CNTN1: variants seen among roughly 807,000 people sequenced by gnomAD.
CNTN1 encodes the protein contactin-1.
A neutral mutation model predicts 126.4 loss-of-function variants in CNTN1; 38 were observed. That is an observed-to-expected ratio of 0.30 (90% CI 0.23 to 0.39). The LOEUF (loss-of-function observed/expected upper bound fraction) is 0.39. Among genes scored for constraint, CNTN1 ranks in the 10% least tolerant of loss-of-function variants. The pLI is 1.00. For missense variants in CNTN1, 1,009 were observed against 1,248.4 expected, an observed-to-expected ratio of 0.81 and a Z score of 2.89; for synonymous variants, 413 against 422.6, an observed-to-expected ratio of 0.98 and a Z score of 0.28.
At chr12:40,795,760 A>G (rs1354045983) in intron 1 of CNTN1, among the ~76,000 whole-genome samples, 1 of 152,146 alleles carries the variant, frequency 6.6e-6, no homozygotes, top group African/African-American at 2.4e-5. Flanking sequence ...GCTACATGCA[A>G]TACAGTAAAC....
intron 6 of CNTN1, 24 bp downstream of exon 6, chr12:40,924,676 A>G: frequency 8.0e-7 from 1 of 1,254,502 alleles, no homozygotes; most frequent in Non-Finnish European, 1.2e-6. Context: ...CTCTCTGACT[A>G]TTAGCATCTA....
At chr12:40,984,061 G>A (rs938161913) in intron 16 of CNTN1, among the ~76,000 whole-genome samples, 38 of 148,966 alleles carry the variant, frequency 2.6e-4, no homozygotes, top group African/African-American at 8.6e-4. Flanking sequence ...CACAAAAGAG[G>A]AAGATGAAAT....
intron 17 of CNTN1, among the ~76,000 whole-genome samples, chr12:41,007,215 A>T (rs1049662975): frequency 6.6e-6 from 1 of 150,702 alleles, no homozygotes; most frequent in Non-Finnish European, 1.5e-5. Flanking sequence ...GCCCGCCACT[A>T]CGCCCGGCTA....
intron 23 of CNTN1, among the ~76,000 whole-genome samples, chr12:41,066,362 G>A (rs1489857425): frequency 4.6e-5 from 7 of 152,116 alleles, no homozygotes; most frequent in Non-Finnish European, 1.0e-4. Context: ...GGTCACAGTG[G>A]TTTCCTCTAA....
intron 1 of CNTN1, among the ~76,000 whole-genome samples, chr12:40,893,410 C>A (rs1944307043): frequency 6.6e-6 from 1 of 152,018 alleles, no homozygotes; most frequent in South Asian, 2.1e-4. Flanking sequence ...CATTCTTCAA[C>A]CTCCAAATTT....
At chr12:40,996,299 T>A (rs752093612) in intron 17 of CNTN1, among the ~76,000 whole-genome samples, 13 of 151,964 alleles carry the variant, frequency 8.6e-5, no homozygotes, top group Admixed American at 5.9e-4. Context: ...GCCCAGCTAT[T>A]TTGTGTGTTT....
chr12:40,815,710 G>A (rs1024542131), intron 1 of CNTN1, among the ~76,000 whole-genome samples: 2 of 152,122 alleles, frequency 1.3e-5, no homozygotes, highest in South Asian at 2.1e-4. Context: ...GTGAGAAAGG[G>A]CATCCTTGTC....
intron 1 of CNTN1, among the ~76,000 whole-genome samples, chr12:40,876,985 C>T (rs1209631682): frequency 6.6e-6 from 1 of 152,086 alleles, no homozygotes; most frequent in East Asian, 1.9e-4. Context: ...AACCTAGGCA[C>T]TCAAGTGTGT....
chr12:41,012,539 A>G (rs1228808914), intron 17 of CNTN1, among the ~76,000 whole-genome samples: 3 of 152,198 alleles, frequency 2.0e-5, no homozygotes, highest in Non-Finnish European at 4.4e-5. Flanking sequence ...CACCAGGGAT[A>G]GCCCCAGCCA....
chr12:40,711,472 T>C (rs1941912185), intron 1 of CNTN1, among the ~76,000 whole-genome samples: 2 of 152,170 alleles, frequency 1.3e-5, no homozygotes, highest in African/African-American at 2.4e-5. Context: ...TTATCACTTC[T>C]TCCTTGTATC....
intron 1 of CNTN1, among the ~76,000 whole-genome samples, chr12:40,891,843 T>G (rs1159142900): frequency 2.6e-5 from 4 of 152,104 alleles, no homozygotes; most frequent in African/African-American, 9.7e-5. Flanking sequence ...GTCCTCCAGC[T>G]TTGCTCTTTT....
intron 1 of CNTN1, among the ~76,000 whole-genome samples, chr12:40,854,160 G>A (rs1346230057): frequency 6.6e-6 from 1 of 151,650 alleles, no homozygotes; most frequent in South Asian, 2.1e-4. Flanking sequence ...TCTATACTTA[G>A]GAAGTTTACA....
rs538492572 is a variant in CNTN1 at position 41,043,045 on chromosome 12, C to A, written c.2980+13826C>A. Reference sequence around the variant, plus strand: ...CATGTTAGACCTAAAACCATAAAAACCCTAGAAGAAAACCTAGGCATTACC... The same window carrying A: ...CATGTTAGACCTAAAACCATAAAAAACCTAGAAGAAAACCTAGGCATTACC... On this transcript the variant is annotated intron_variant, in intron 23 of 23. Coordinates refer to ENST00000551295, the MANE Select transcript of CNTN1 (RefSeq NM_001843.4). 9.2e-5 allele frequency among the ~76,000 whole-genome samples: 14 copies of A among 152,222 alleles called. No homozygotes were observed. The South Asian group carries it at 2.9e-3, about 32-fold the overall frequency.
intron 6 of CNTN1, among the ~76,000 whole-genome samples, chr12:40,928,153 C>T (rs908204865): frequency 6.6e-6 from 1 of 151,898 alleles, no homozygotes; most frequent in Admixed American, 6.6e-5. Flanking sequence ...ACATTTTTGG[C>T]TTTGGTGGTG....
At chr12:40,739,255 CT>C (rs1343472666) in intron 1 of CNTN1, among the ~76,000 whole-genome samples, 1 of 151,938 alleles carries the variant, frequency 6.6e-6, no homozygotes, top group Non-Finnish European at 1.5e-5. Context: ...GAGTAAAAAA[CT>C]TGGATAGTCA....
At chr12:40,909,598 A>T (rs1279545661) in intron 2 of CNTN1, among the ~76,000 whole-genome samples, 6 of 151,794 alleles carry the variant, frequency 4.0e-5, no homozygotes, top group African/African-American at 1.4e-4. Context: ...TTGGGGAATA[A>T]TTTTTATTAT....
intron 23 of CNTN1, among the ~76,000 whole-genome samples, chr12:41,067,224 C>T (rs1276070914): frequency 1.3e-5 from 2 of 152,092 alleles, no homozygotes; most frequent in Non-Finnish European, 2.9e-5. Flanking sequence ...ATATAACACA[C>T]GTAAACATGG....
rs193289943 is a variant in CNTN1 at position 40,803,101 on chromosome 12, G to A, written c.-76-105256G>A. On this transcript the variant is annotated intron_variant, in intron 1 of 23. Coordinates refer to ENST00000551295, the MANE Select transcript of CNTN1 (RefSeq NM_001843.4). ...GGTGCAATGGTTTGGGTACCTGAGT[G>A]GAAATTTTGCTCAACTTTAATTTTT... Among the ~76,000 whole-genome samples, 303 of 152,038 alleles carry A rather than the reference G, an allele frequency of 2.0e-3. 2 individuals carry two copies. Among genetic ancestry groups the A allele is most frequent in the Non-Finnish European group, 5.9e-4 (40 of 67,946 alleles).
At chr12:40,697,956 G>T (rs990152524) in intron 1 of CNTN1, among the ~76,000 whole-genome samples, 6 of 152,194 alleles carry the variant, frequency 3.9e-5, no homozygotes, top group African/African-American at 1.2e-4. Flanking sequence ...CACTAAATCT[G>T]CTTCTGCCAG....
Sources: gnomAD v4.1 joint callset for allele counts (sites outside exome capture counted in the v4.1 genomes callset) on GRCh38, gnomAD v4.1.1 for gene constraint, MANE v1.5 for transcripts, NCBI Gene and HGNC (gene_info 2026-07-23, HGNC 2026-07-21) for gene names.